TNFSF4: variants seen among roughly 807,000 people sequenced by gnomAD.
TNFSF4 encodes the protein tumor necrosis factor ligand superfamily member 4.
TNFSF4 carries 4 observed loss-of-function variants against 7.3 expected under a neutral mutation model. The ratio of observed to expected loss-of-function variants is 0.55; its 90% confidence interval spans 0.27 to 1.25. TNFSF4 has a LOEUF of 1.25. Ranked by LOEUF, TNFSF4 falls within the 50% of genes most tolerant of loss-of-function variation. The pLI is 0.12. For synonymous variants in TNFSF4, 76 were observed against 83.7 expected (o/e 0.91, Z 0.50); for missense variants, 181 against 208.8 (o/e 0.87, Z 0.82).
the TNFSF4 span, chr1:173,175,009 G>T: frequency 2.0e-5 from 3 of 151,978 alleles, no homozygotes; most frequent in African/African-American, 7.3e-5. Flanking sequence ...AGTCTCTTAC[G>T]TCTTTGTTTT....
At chr1:173,190,664 A>G (rs1649439746) in intron 1 of TNFSF4, among the ~76,000 whole-genome samples, 1 of 152,188 alleles carries the variant, frequency 6.6e-6, no homozygotes, top group South Asian at 2.1e-4. Flanking sequence ...CTGGAAGAAA[A>G]CCTGTCAGAA....
chr1:173,407,559 C>CAAA, the TNFSF4 span, among the ~76,000 whole-genome samples: 97 of 71,916 alleles, frequency 1.3e-3, 1 homozygote, highest in African/African-American at 2.7e-3. Flanking sequence ...GACTCTGCCT[C>CAAA]AAAAAAAAAA....
intron 1 of TNFSF4, among the ~76,000 whole-genome samples, chr1:173,203,844 G>A (rs1428702190): frequency 6.6e-6 from 1 of 152,130 alleles, no homozygotes; most frequent in Admixed American, 6.5e-5. Context: ...CACCTTATAG[G>A]TCAGCTTTTT....
At chr1:173,436,999 C>T in the TNFSF4 span, among the ~76,000 whole-genome samples, 1 of 152,128 alleles carries the variant, frequency 6.6e-6, no homozygotes, top group South Asian at 2.1e-4. Context: ...CTTTGGCCAC[C>T]AGTCTAGAGA....
chr1:173,302,742 C>T, the TNFSF4 span, among the ~76,000 whole-genome samples: 2 of 96,560 alleles, frequency 2.1e-5, no homozygotes, highest in African/African-American at 4.0e-5. Context: ...AGAAAGTCAT[C>T]AACTCTTTCT....
the TNFSF4 span, among the ~76,000 whole-genome samples, chr1:173,438,797 T>C: frequency 1.8e-4 from 27 of 152,230 alleles, no homozygotes; most frequent in African/African-American, 6.0e-4. Context: ...ATCAGTCTTA[T>C]CCAAGCTCAT....
chr1:173,414,353 C>A, the TNFSF4 span, among the ~76,000 whole-genome samples: 2 of 152,088 alleles, frequency 1.3e-5, no homozygotes, highest in African/African-American at 4.8e-5. Flanking sequence ...TACAAGGACA[C>A]CAGATTAGGG....
At chr1:173,187,477 C>G (rs938953516) in intron 2 of TNFSF4, among the ~76,000 whole-genome samples, 1 of 152,202 alleles carries the variant, frequency 6.6e-6, no homozygotes, top group African/African-American at 2.4e-5. Flanking sequence ...AGGCATTGGA[C>G]CTATCCACAG....
the TNFSF4 span, among the ~76,000 whole-genome samples, chr1:173,432,050 T>A: frequency 6.6e-6 from 1 of 152,202 alleles, no homozygotes; most frequent in African/African-American, 2.4e-5. Context: ...TAATACCTAA[T>A]GGCTAAGACC....
chr1:173,177,941 G>C, the TNFSF4 span, among the ~76,000 whole-genome samples: 1 of 152,110 alleles, frequency 6.6e-6, no homozygotes, highest in African/African-American at 2.4e-5. Flanking sequence ...CTTGAATGAT[G>C]GTTACACATC....
At chr1:173,202,070 T>TATATATATACACACA (rs150074641) in intron 1 of TNFSF4, among the ~76,000 whole-genome samples, 6 of 149,654 alleles carry the variant, frequency 4.0e-5, no homozygotes, top group Non-Finnish European at 5.9e-5. Flanking sequence ...TATATATATA[T>TATATATATACACACA]ACACACACAC....
chr1:173,345,103 A>G, the TNFSF4 span, among the ~76,000 whole-genome samples: 1 of 152,232 alleles, frequency 6.6e-6, no homozygotes, highest in Non-Finnish European at 1.5e-5. Context: ...AACTAGGCAG[A>G]GGTAATCTCC....
rs1478303344 is a variant in TNFSF4, at chr1:173,185,589, T to C, written c.*927A>G. 6.6e-6 allele frequency: 1 copy of C among 152,192 alleles called. No homozygotes were observed. Among genetic ancestry groups the C allele is most frequent in the Non-Finnish European group, 1.5e-5 (1 of 68,026 alleles). The allele number at this position is 152,192 out of a possible 1,614,324, so 9.4% of individuals were successfully genotyped here. A position where few individuals can be genotyped will look rare whatever the true frequency, so the allele number is the denominator to read the frequency against. On this transcript the variant is annotated 3_prime_UTR_variant, in exon 3 of 3. Coordinates refer to ENST00000281834, the MANE Select transcript of TNFSF4 (RefSeq NM_003326.5). ...CAAGACATGGAGCTGAGTGCGTATCTCAGCATAGGCAGGAGGATGAGCATG... is the reference window on the plus strand; with the variant it reads ...CAAGACATGGAGCTGAGTGCGTATCCCAGCATAGGCAGGAGGATGAGCATG...
chr1:173,260,831 T>G, the TNFSF4 span, among the ~76,000 whole-genome samples: 1 of 152,154 alleles, frequency 6.6e-6, no homozygotes, highest in Non-Finnish European at 1.5e-5. Flanking sequence ...GCACCCAGAT[T>G]CATAAAACAA....
the TNFSF4 span, among the ~76,000 whole-genome samples, chr1:173,396,222 G>A: frequency 6.6e-6 from 1 of 152,118 alleles, no homozygotes; most frequent in South Asian, 2.1e-4. Context: ...CATATTAAAG[G>A]TTTGGAGCCA....
chr1:173,173,204 C>T, the TNFSF4 span, among the ~76,000 whole-genome samples: 1 of 152,186 alleles, frequency 6.6e-6, no homozygotes, highest in Non-Finnish European at 1.5e-5. Flanking sequence ...CATTCTACCC[C>T]TGGTCCCTCC....
chr1:173,179,243 G>A (rs977095122), downstream of TNFSF4, among the ~76,000 whole-genome samples: 3 of 152,220 alleles, frequency 2.0e-5, no homozygotes, highest in East Asian at 5.8e-4. Flanking sequence ...GATGCAAACA[G>A]AACTGGAGAA....
At chr1:173,190,354 T>C (rs1167831640) in intron 1 of TNFSF4, among the ~76,000 whole-genome samples, 10 of 152,334 alleles carry the variant, frequency 6.6e-5, no homozygotes, top group African/African-American at 2.4e-4. Flanking sequence ...GGCACACTGG[T>C]AGCTTCAGTC....
At chr1:173,233,492 C>T in the TNFSF4 span, among the ~76,000 whole-genome samples, 1 of 152,174 alleles carries the variant, frequency 6.6e-6, no homozygotes, top group African/African-American at 2.4e-5. Flanking sequence ...CACAAAGATA[C>T]TCCTCGAGAA....
Sources: allele counts gnomAD v4.1 joint callset (sites outside exome capture counted in the v4.1 genomes callset), GRCh38; gene constraint gnomAD v4.1.1; transcripts MANE v1.5; gene names NCBI Gene and HGNC (gene_info 2026-07-23, HGNC 2026-07-21).